TRRAP: variants seen among roughly 807,000 people sequenced by gnomAD.
The protein encoded by TRRAP is transformation/transcription domain associated protein, also known as transformation/transcription domain-associated protein.
In TRRAP, 41 loss-of-function variants were observed where a neutral mutation model predicts 438.8. The observed-to-expected ratio is 0.09, with a 90% CI of 0.07 to 0.12. The LOEUF (loss-of-function observed/expected upper bound fraction) is 0.12, where lower values mean the gene tolerates loss of function less well. Among genes scored for constraint, TRRAP ranks in the 10% least tolerant of loss-of-function variants. The pLI is 1.00. For synonymous variants in TRRAP, 1,994 were observed against 1,962.9 expected, an observed-to-expected ratio of 1.02 and a Z score of -0.42; for missense variants, 3,122 against 5,055.1, an observed-to-expected ratio of 0.62 and a Z score of 11.60.
intron 3 of TRRAP, among the ~76,000 whole-genome samples, chr7:98,885,840 A>G (rs1396950718): frequency 6.6e-6 from 1 of 152,210 alleles, no homozygotes; most frequent in African/African-American, 2.4e-5. Flanking sequence ...CAGGGCACCA[A>G]GTGTGGACAT....
chr7:98,902,021 T>C (rs1796493302), intron 11 of TRRAP, among the ~76,000 whole-genome samples: 1 of 152,242 alleles, frequency 6.6e-6, no homozygotes, highest in Non-Finnish European at 1.5e-5. Context: ...GACTATGTGC[T>C]CTTGGCAACC....
Position 98,938,325 on chromosome 7 carries a change from C to T in TRRAP, c.4404+505C>T, listed in dbSNP as rs541548366. 8.5e-5 allele frequency among the ~76,000 whole-genome samples: 13 copies of T among 152,212 alleles called. No homozygotes were observed. In the East Asian group the frequency reaches 2.3e-3, roughly 27 times the overall value. The stretch of plus-strand genomic sequence containing the variant: ...CTGCACCCCAGTCTGGGTGACAGAG[C>T]AAGACCCTGCCTCAAAAAATAAATA... On this transcript the variant is annotated intron_variant, in intron 30 of 72. Transcript: ENST00000456197.
chr7:98,880,068 TGCTGCCTG>T, intron 1 of TRRAP, among the ~76,000 whole-genome samples: 1 of 152,310 alleles, frequency 6.6e-6, no homozygotes, highest in East Asian at 1.9e-4. Flanking sequence ...ACTGAGTGCC[TGCTGCCTG>T]GCAGCTACAA....
Position 98,931,520 on chromosome 7 carries a change from A to C in TRRAP, c.3707A>C (p.Lys1236Thr). Residue 1236 changes from lysine (K) to threonine (T), a missense_variant, in exon 26 of 73, where the codon AAG becomes ACG. Physicochemically the swap from Lys to Thr is moderately conservative, Grantham distance 78 (BLOSUM62 -1). Coordinates refer to ENST00000456197, the MANE Select transcript of TRRAP (RefSeq NM_001375524.1). ...GAAGAGATCGTGGCCGCCCAGGAAAAGTCTTTCCACCATGTGACACACGAC... is the reference window on the plus strand; with the variant it reads ...GAAGAGATCGTGGCCGCCCAGGAAACGTCTTTCCACCATGTGACACACGAC... ...RAEEIVAAQE[K>T]SFHHVTHDLV... 6.2e-7 allele frequency: 1 copy of C among 1,614,160 alleles called. No homozygotes were observed. The highest frequency in any genetic ancestry group is 2.2e-5 in the East Asian group (1 of 44,888).
chr7:98,892,399 A>T lies in TRRAP; in HGVS notation c.262-25A>T, dbSNP rs782697658. On this transcript the variant is annotated intron_variant, in intron 4 of 72. Transcript: ENST00000456197. ...AACCCTTGGAAGTATTTTTATCCTT[A>T]CATTTATTTATTTTTTCTTGCCAGC... 1.9e-6 allele frequency: 3 copies of T among 1,564,262 alleles called. No homozygotes were observed. The South Asian group carries it at 3.4e-5, about 18-fold the overall frequency.
intron 44 of TRRAP, 144 bp from the exon 45 acceptor site, chr7:98,959,200 G>A (rs949672031): frequency 1.8e-6 from 2 of 1,121,636 alleles, no homozygotes; most frequent in Non-Finnish European, 2.5e-6. Context: ...CAGCTGTGTG[G>A]AGGTCAGGCG....
chr7:98,894,797 T>G (rs1253419331), intron 6 of TRRAP, among the ~76,000 whole-genome samples: 5 of 145,076 alleles, frequency 3.4e-5, no homozygotes, highest in Non-Finnish European at 7.6e-5. Flanking sequence ...TTTTTTTTTT[T>G]TTTTTTTTTT....
chr7:98,945,107 C>T (rs1790989460), intron 31 of TRRAP, among the ~76,000 whole-genome samples: 1 of 152,186 alleles, frequency 6.6e-6, no homozygotes, highest in Non-Finnish European at 1.5e-5. Context: ...GGCCAGCCTG[C>T]CCTGAAGCTT....
At chr7:98,969,748 G>A (rs528222650) in intron 51 of TRRAP, among the ~76,000 whole-genome samples, 2 of 151,960 alleles carry the variant, frequency 1.3e-5, no homozygotes, top group East Asian at 3.9e-4. Flanking sequence ...GCTATGGGTG[G>A]GTGGGCCGGG....
chr7:98,909,715 G>T (rs959023810), intron 14 of TRRAP, among the ~76,000 whole-genome samples: 3 of 152,184 alleles, frequency 2.0e-5, no homozygotes, highest in African/African-American at 7.2e-5. Context: ...GGCCCTGCTT[G>T]TCAGGCCAGT....
At chr7:98,945,983 T>C (rs1554416709) in intron 33 of TRRAP, 33 bp downstream of exon 33, 3 of 1,421,262 alleles carry the variant, frequency 2.1e-6, no homozygotes. Flanking sequence ...AGGAGGGGGT[T>C]GTTGTCGTTG....
chr7:98,903,709 C>T (rs1175876271), intron 12 of TRRAP, among the ~76,000 whole-genome samples, 192 bp downstream of exon 12: 1 of 152,136 alleles, frequency 6.6e-6, no homozygotes, highest in African/African-American at 2.4e-5. Context: ...TTTCACGCTG[C>T]TGATAAAGAC....
At chr7:98,961,714 A>G (rs1436819288) in intron 46 of TRRAP, among the ~76,000 whole-genome samples, 2 of 152,148 alleles carry the variant, frequency 1.3e-5, no homozygotes, top group African/African-American at 4.8e-5. Flanking sequence ...GAGGTCAGGA[A>G]TTCAAGACCA....
Position 98,900,714 on chromosome 7 carries a change from T to C in TRRAP, c.891T>C (p.Ile297=), listed in dbSNP as rs1796432750. The C allele has an allele frequency of 6.2e-7, 1 of 1,612,216 alleles. No individual in the cohort carries two copies. The highest frequency in any genetic ancestry group is 1.7e-5 in the Admixed American group (1 of 59,646). ...TLSFLAYIIR[I]YQELVTKYSQ... is the part of the protein sequence containing the mutation. ...CATTTTTAGCTTACATTATCAGGAT[T>C]TACCAGGTAAGGTCATTGACTTTTA... The change falls in exon 11 of 73, where the codon ATT becomes ATC. Residue 297 remains isoleucine (I), a synonymous_variant. Coordinates refer to ENST00000456197, the MANE Select transcript of TRRAP (RefSeq NM_001375524.1).
At position 98,982,332 on chromosome 7, in the gene TRRAP, A is replaced by T. The variant is rs367928989; in HGVS notation, c.8826+372A>T. Among the ~76,000 whole-genome samples the T allele has an allele frequency of 2.6e-5, 4 of 152,314 alleles. No homozygotes were observed. The East Asian group carries it at 7.7e-4, about 29-fold the overall frequency. On this transcript the variant is annotated intron_variant, in intron 59 of 72. Coordinates refer to ENST00000456197, the MANE Select transcript of TRRAP (RefSeq NM_001375524.1). ...AAATGTTTTCCGAAATCTGAATGTAATGAGTTAAATTTGAAATATAAACAG... is the reference window on the plus strand; with the variant it reads ...AAATGTTTTCCGAAATCTGAATGTATTGAGTTAAATTTGAAATATAAACAG...
chr7:98,981,682 A>ATCGCTCTGTTTTCAGC, intron 58 of TRRAP, 87 bp from the exon 59 acceptor site: 2 of 1,420,550 alleles, frequency 1.4e-6, no homozygotes, highest in South Asian at 1.4e-5. Context: ...CCTAGTGACC[A>ATCGCTCTGTTTTCAGC]AAAAAAGTGA....
rs781992991 is a variant in TRRAP at position 98,953,223 on chromosome 7, G to T, written c.5520G>T (p.Leu1840=). The part of the protein sequence containing the change: ...DMLDSLRIYL[L]QYATLLVEHA... The stretch of plus-strand genomic sequence containing the variant: ...TGGACTCGCTGCGGATCTACCTGCT[G>T]CAGTACGCCACGCTGCTGGTGGAGC... The change falls in exon 40 of 73, where the codon CTG becomes CTT. Residue 1840 remains leucine (L), a synonymous_variant. Coordinates refer to ENST00000456197, the MANE Select transcript of TRRAP (RefSeq NM_001375524.1). The T allele has an allele frequency of 1.2e-6, 2 of 1,613,194 alleles. No individual in the cohort carries two copies. Among genetic ancestry groups the T allele is most frequent in the African/African-American group, 2.7e-5 (2 of 74,748 alleles).
chr7:98,985,853 T>C (rs1706127609), intron 62 of TRRAP, among the ~76,000 whole-genome samples: 1 of 152,230 alleles, frequency 6.6e-6, no homozygotes, highest in Admixed American at 6.5e-5. Context: ...TTTTAGTATA[T>C]TTACAGTGTT....
In TRRAP at chr7:99,005,166, A is replaced by G. The variant is rs55950623; in HGVS notation, c.10571A>G (p.Asn3524Ser). ...CGGGTAGAGATTGTGCAGAAGCACA[A>G]CACCGCAGCCCGGCGGCTGTACATC... Reference protein sequence around the residue: ...MPRVEIVQKHNTAARRLYIRG... With the variant: ...MPRVEIVQKHSTAARRLYIRG... Residue 3524 changes from asparagine (N) to serine (S), a missense_variant, in exon 69 of 73, where the codon AAC becomes AGC. Around this residue, in one of 24 missense-constraint regions of TRRAP, gnomAD observed 95 missense variants for 144.1 expected, o/e 0.66. Coordinates refer to ENST00000456197, the MANE Select transcript of TRRAP (RefSeq NM_001375524.1). The surrounding 1 kb of genome is among the most constrained non-coding windows in gnomAD (Gnocchi z 5.1). 7.4e-6 allele frequency: 12 copies of G among 1,613,970 alleles called. No individual in the cohort carries two copies. The highest frequency in any genetic ancestry group is 1.3e-5 in the African/African-American group (1 of 75,048).
Sources: gnomAD v4.1 joint callset for allele counts (sites outside exome capture counted in the v4.1 genomes callset) on GRCh38, gnomAD v4.1.1 for gene constraint, gnomAD v4.1.1 regional missense constraint, Gnocchi (gnomAD v3.1) non-coding constraint, MANE v1.5 for transcripts, NCBI Gene and HGNC (gene_info 2026-07-23, HGNC 2026-07-21) for gene names.